Variants in PTPN22 observed in about 807,000 individuals in gnomAD.
PTPN22 encodes the protein protein tyrosine phosphatase non-receptor type 22.
Under a neutral mutation model 103.3 loss-of-function variants are expected in PTPN22, and 85 were observed. The ratio of observed to expected loss-of-function variants is 0.82; its 90% CI spans 0.69 to 0.99. The LOEUF is 0.99. PTPN22 is among the 50% of genes least tolerant of loss of function. The pLI is 0.00. For missense variants in PTPN22, 865 were observed against 936.9 expected (o/e 0.92, Z 1.00); for synonymous variants, 323 against 310.2 (o/e 1.04, Z -0.43).
At chr1:113,843,099 CAAAAA>C (rs71090738) in intron 11 of PTPN22, among the ~76,000 whole-genome samples, 3 of 47,928 alleles carry the variant, frequency 6.3e-5, no homozygotes, top group African/African-American at 1.2e-4. Context: ...GACTCCGTCT[CAAAAA>C]AAAAAAAAAA....
chr1:113,834,965 G>T (rs1662857595), exon 14 of PTPN22: 6 of 1,570,428 alleles, frequency 3.8e-6, no homozygotes, highest in Middle Eastern at 3.4e-4. Flanking sequence ...GTGGAGGGGG[G>T]ATTTCATCAT....
chr1:113,833,243 A>G, intron 15 of PTPN22, 105 bp from the exon 16 acceptor site: 1 of 780,420 alleles, frequency 1.3e-6, no homozygotes, highest in South Asian at 1.7e-5. Flanking sequence ...ATATAGCTGT[A>G]GAGATAATTA....
intron 10 of PTPN22, among the ~76,000 whole-genome samples, chr1:113,850,122 G>A (rs893825898): frequency 9.9e-5 from 15 of 151,740 alleles, no homozygotes; most frequent in African/African-American, 3.6e-4. Flanking sequence ...GCTTGAACCC[G>A]GCAGGCAGAA....
At position 113,851,804 on chromosome 1, in the gene PTPN22, GAACA is replaced by G. The variant is rs530021428; in HGVS notation, c.828+219_828+222del. 1.4e-3 allele frequency among the ~76,000 whole-genome samples: 212 copies of G among 152,246 alleles called. 1 individual carries two copies. Among genetic ancestry groups the G allele is most frequent in the Non-Finnish European group, 1.9e-3 (132 of 68,012 alleles). On this transcript the variant is annotated intron_variant, in intron 10 of 20. Transcript: ENST00000359785. ...TTACATTGGTATCTTAATATTTTCT[GAACA>G]GACAGTAAAATAAGGAATGAAAGGA...
intron 10 of PTPN22, among the ~76,000 whole-genome samples, chr1:113,851,037 T>C (rs777863643): frequency 6.6e-6 from 1 of 152,154 alleles, no homozygotes; most frequent in Non-Finnish European, 1.5e-5. Flanking sequence ...GAAATTAATA[T>C]TGTAGGCAGT....
At chr1:113,838,575 C>T in exon 12 of PTPN22, 1 of 1,613,644 alleles carries the variant, frequency 6.2e-7, no homozygotes, top group Non-Finnish European at 8.5e-7. Flanking sequence ...TAAGAGTCTG[C>T]TTGGAGAGTG....
chr1:113,856,237 T>G (rs1362638272), intron 7 of PTPN22, 145 bp downstream of exon 7: 1 of 1,208,600 alleles, frequency 8.3e-7, no homozygotes, highest in Non-Finnish European at 1.1e-6. Flanking sequence ...AGGCTCAAAG[T>G]TCTCTTGAAT....
At chr1:113,829,860 T>G (rs1427814151) in intron 17 of PTPN22, 89 bp downstream of exon 17, 4 of 1,317,274 alleles carry the variant, frequency 3.0e-6, no homozygotes, top group African/African-American at 1.5e-5. Context: ...TAATCATTTT[T>G]GTACCTTTCC....
At chr1:113,836,272 A>C (rs1439804691) in intron 13 of PTPN22, among the ~76,000 whole-genome samples, 2 of 152,222 alleles carry the variant, frequency 1.3e-5, no homozygotes, top group Non-Finnish European at 2.9e-5. Flanking sequence ...CATCTTCCAC[A>C]TCAAATTATT....
intron 20 of PTPN22, among the ~76,000 whole-genome samples, chr1:113,816,777 C>T (rs1661186080): frequency 2.0e-5 from 3 of 151,978 alleles, no homozygotes; most frequent in African/African-American, 4.8e-5. Context: ...GGCATGGTGG[C>T]GGGTGCCTGT....
intron 7 of PTPN22, among the ~76,000 whole-genome samples, chr1:113,855,992 C>A (rs1665027771): frequency 6.6e-6 from 1 of 152,150 alleles, no homozygotes; most frequent in Non-Finnish European, 1.5e-5. Context: ...AGATTGAAGA[C>A]ATATTATAAC....
intron 7 of PTPN22, among the ~76,000 whole-genome samples, chr1:113,855,770 G>T (rs950952046): frequency 5.3e-5 from 8 of 152,176 alleles, no homozygotes; most frequent in African/African-American, 1.9e-4. Context: ...GAAATAGCTA[G>T]ATATGAAAAT....
intron 18 of PTPN22, 44 bp downstream of exon 18, chr1:113,829,548 G>C: frequency 8.8e-7 from 1 of 1,139,268 alleles, no homozygotes. Flanking sequence ...CTTTCAGTAA[G>C]GGAAAGTTTC....
At chr1:113,827,259 T>C (rs1213610242) in intron 18 of PTPN22, among the ~76,000 whole-genome samples, 1 of 152,168 alleles carries the variant, frequency 6.6e-6, no homozygotes, top group Non-Finnish European at 1.5e-5. Context: ...TTTTAAAAAA[T>C]AGATGATTTA....
chr1:113,859,061 C>T lies in PTPN22; in HGVS notation c.214G>A (p.Glu72Lys), dbSNP rs140006258. 75 of 1,613,760 alleles carry T rather than the reference C, an allele frequency of 4.6e-5. No homozygotes were observed. The highest frequency in any genetic ancestry group is 6.1e-5 in the Non-Finnish European group (72 of 1,179,930). ...TCATCAGAGGTTATCAGGGATAGTTCTACCCGGCTATAATCATCTATAATA... is the reference window on the plus strand; with the variant it reads ...TCATCAGAGGTTATCAGGGATAGTTTTACCCGGCTATAATCATCTATAATA... Residue 72 changes from glutamate (E) to lysine (K), a missense_variant, in exon 3 of 21, where the codon GAA (glutamate) becomes AAA (lysine). Physicochemically the swap from Glu to Lys is moderately conservative, Grantham distance 56. Around this residue, in one of 3 missense-constraint regions of PTPN22, gnomAD observed 457 missense variants for 529.1 expected, o/e 0.86. Transcript: ENST00000359785.
chr1:113,847,925 G>A (rs974552754), intron 11 of PTPN22, among the ~76,000 whole-genome samples: 2 of 151,760 alleles, frequency 1.3e-5, no homozygotes, highest in African/African-American at 2.4e-5. Context: ...TTTTTGTAGA[G>A]ACAATTGCTA....
At chr1:113,857,086 ATATCT>A (rs1306939518) in intron 5 of PTPN22, among the ~76,000 whole-genome samples, 2 of 152,242 alleles carry the variant, frequency 1.3e-5, no homozygotes, top group African/African-American at 4.8e-5. Flanking sequence ...TTTTAATAAC[ATATCT>A]TAGCCCAATA....
intron 3 of PTPN22, 140 bp from the exon 4 acceptor site, chr1:113,858,713 C>T (rs1665300517): frequency 1.4e-6 from 1 of 700,256 alleles, no homozygotes; most frequent in Non-Finnish European, 2.3e-6. Flanking sequence ...AATCACAGCT[C>T]ACTGCAGCCT....
At chr1:113,835,370 T>C (rs964670536) in intron 13 of PTPN22, among the ~76,000 whole-genome samples, 1 of 151,886 alleles carries the variant, frequency 6.6e-6, no homozygotes, top group African/African-American at 2.4e-5. Flanking sequence ...CACAAAACAT[T>C]AGCCGGGCGT....
Sources: allele counts gnomAD v4.1 joint callset (sites outside exome capture counted in the v4.1 genomes callset), GRCh38; gene constraint gnomAD v4.1.1; regional missense constraint gnomAD v4.1.1; transcripts MANE v1.5; gene names NCBI Gene and HGNC (gene_info 2026-07-23, HGNC 2026-07-21).